Variants in CCDC93 observed in about 807,000 individuals in gnomAD.
The protein encoded by CCDC93 is coiled-coil domain-containing protein 93.
A neutral mutation model predicts 108.2 loss-of-function variants in CCDC93; 61 were observed. The ratio of observed to expected loss-of-function variants is 0.56; its 90% CI spans 0.46 to 0.70. The LOEUF is 0.70. CCDC93 is among the 30% of genes least tolerant of loss of function. CCDC93 has a pLI of 0.00. For synonymous variants in CCDC93, 276 were observed against 260.4 expected (o/e 1.06, Z -0.58); for missense variants, 685 against 764.2 (o/e 0.90, Z 1.22).
chr2:117,951,580 C>A, intron 13 of CCDC93: 1 of 1,000,088 alleles, frequency 1.0e-6, no homozygotes, highest in Non-Finnish European at 1.2e-6. Flanking sequence ...ATCCTAGCTT[C>A]CAAATCGTCC....
At chr2:117,999,550 T>A (rs1680769706) in intron 4 of CCDC93, 1 of 152,194 alleles carries the variant, frequency 6.6e-6, no homozygotes, top group South Asian at 2.1e-4. Context: ...GCTCCTCCTC[T>A]TTCTAAGATG....
At chr2:117,985,749 A>T (rs950866698) in intron 7 of CCDC93, among the ~76,000 whole-genome samples, 4 of 152,176 alleles carry the variant, frequency 2.6e-5, no homozygotes, top group African/African-American at 7.2e-5. Flanking sequence ...CCCAACTCCC[A>T]AAGGAAGGCA....
intron 11 of CCDC93, among the ~76,000 whole-genome samples, chr2:117,967,020 T>A (rs1435062059): frequency 1.3e-5 from 2 of 152,170 alleles, no homozygotes; most frequent in Non-Finnish European, 2.9e-5. Flanking sequence ...TGAAACAAAG[T>A]CTCTCTCTGT....
intron 3 of CCDC93, among the ~76,000 whole-genome samples, chr2:118,004,309 T>TG (rs1676799419): frequency 1.3e-5 from 2 of 152,360 alleles, no homozygotes; most frequent in South Asian, 4.1e-4. Context: ...ATCCCATTTA[T>TG]GGGCCTCTGG....
intron 7 of CCDC93, among the ~76,000 whole-genome samples, chr2:117,978,568 T>C (rs1044044369): frequency 6.6e-6 from 1 of 152,146 alleles, no homozygotes; most frequent in Non-Finnish European, 1.5e-5. Flanking sequence ...CTGGCTCTAA[T>C]TAATCTATGT....
At chr2:118,005,100 AAC>A (rs1173955382) in intron 3 of CCDC93, among the ~76,000 whole-genome samples, 3 of 152,302 alleles carry the variant, frequency 2.0e-5, no homozygotes, top group South Asian at 4.1e-4. Flanking sequence ...AAGAAGAAAA[AAC>A]AGTTTTCAGT....
At chr2:118,012,141 G>A (rs1356079648) in intron 1 of CCDC93, among the ~76,000 whole-genome samples, 1 of 152,154 alleles carries the variant, frequency 6.6e-6, no homozygotes, top group African/African-American at 2.4e-5. Context: ...CAGGGCAGTG[G>A]CTCACATCTG....
At chr2:117,995,013 T>C (rs1346103658) in intron 6 of CCDC93, among the ~76,000 whole-genome samples, 4 of 152,158 alleles carry the variant, frequency 2.6e-5, no homozygotes, top group Non-Finnish European at 5.9e-5. Context: ...AGACGTACTG[T>C]GAATGGGGAC....
chr2:118,007,728 C>CT (rs889868371), intron 2 of CCDC93, among the ~76,000 whole-genome samples: 2 of 152,200 alleles, frequency 1.3e-5, no homozygotes, highest in Non-Finnish European at 2.9e-5. Flanking sequence ...GCTTTAGACT[C>CT]TTACAAGTTG....
chr2:117,996,434 T>C (rs1046910782), intron 4 of CCDC93, 72 bp from the exon 5 acceptor site: 7 of 991,006 alleles, frequency 7.1e-6, no homozygotes, highest in African/African-American at 3.2e-5. Flanking sequence ...AGTTCAGACA[T>C]GGCCCAACTC....
At chr2:117,990,842 TTCTC>T (rs1445886733) in intron 6 of CCDC93, among the ~76,000 whole-genome samples, 1 of 152,146 alleles carries the variant, frequency 6.6e-6, no homozygotes. Flanking sequence ...CAATCTCTGA[TTCTC>T]CATACTGATA....
intron 11 of CCDC93, among the ~76,000 whole-genome samples, chr2:117,965,750 G>C (rs781635514): frequency 4.0e-4 from 61 of 152,062 alleles, no homozygotes; most frequent in African/African-American, 1.5e-3. Flanking sequence ...CACGCGTAAC[G>C]CAATCCCTGC....
intron 1 of CCDC93, among the ~76,000 whole-genome samples, chr2:118,013,230 G>A (rs1473070355): frequency 6.6e-6 from 1 of 152,218 alleles, no homozygotes; most frequent in Non-Finnish European, 1.5e-5. Flanking sequence ...CTAGCACTAA[G>A]TGAGTACTTA....
intron 23 of CCDC93, among the ~76,000 whole-genome samples, chr2:117,923,303 G>A (rs372107654): frequency 8.2e-4 from 125 of 152,252 alleles, no homozygotes; most frequent in African/African-American, 1.1e-3. Flanking sequence ...AGCGTTAGCC[G>A]AGGCAGGGTG....
intron 14 of CCDC93, 126 bp from the exon 15 acceptor site, chr2:117,948,312 T>A (rs1192825992): frequency 3.1e-6 from 2 of 634,984 alleles, no homozygotes; most frequent in Non-Finnish European, 5.5e-6. Context: ...TCTAAGAGTG[T>A]CTCACAGATT....
At chr2:117,956,156 A>C (rs893907290) in intron 12 of CCDC93, among the ~76,000 whole-genome samples, 5 of 152,076 alleles carry the variant, frequency 3.3e-5, no homozygotes, top group African/African-American at 1.2e-4. Context: ...GTCAGGGATT[A>C]CTCCATGTGC....
chr2:117,974,117 A>G, intron 10 of CCDC93, 123 bp from the exon 11 acceptor site: 2 of 743,470 alleles, frequency 2.7e-6, no homozygotes, highest in Non-Finnish European at 4.7e-6. Context: ...CCCAGGGGAA[A>G]TAATTTGGCT....
At chr2:118,003,350 T>G (rs1676766089) in intron 3 of CCDC93, among the ~76,000 whole-genome samples, 1 of 152,210 alleles carries the variant, frequency 6.6e-6, no homozygotes, top group Non-Finnish European at 1.5e-5. Context: ...TTGAAACTTG[T>G]AAGAAGAGAT....
At chr2:117,972,676 C>T (rs1679803706) in intron 11 of CCDC93, among the ~76,000 whole-genome samples, 1 of 151,826 alleles carries the variant, frequency 6.6e-6, no homozygotes, top group South Asian at 2.1e-4. Flanking sequence ...GGTATAAACT[C>T]ACACTCTTGC....
Sources: gnomAD v4.1 joint callset for allele counts (sites outside exome capture counted in the v4.1 genomes callset) on GRCh38, gnomAD v4.1.1 for gene constraint, MANE v1.5 for transcripts, NCBI Gene and HGNC (gene_info 2026-07-23, HGNC 2026-07-21) for gene names.